Variants in CYP2C19 observed in about 807,000 individuals in gnomAD.
CYP2C19 encodes the protein cytochrome P450 2C19.
In CYP2C19, 59 loss-of-function variants were observed where a neutral mutation model predicts 40.9. The ratio of observed to expected loss-of-function variants is 1.44; its 90% CI spans 1.17 to 1.79. The LOEUF is 1.79. Ranked by LOEUF, CYP2C19 falls within the 40% of genes most tolerant of loss-of-function variation. The pLI is 0.00. For missense variants in CYP2C19, 754 were observed against 596.9 expected (o/e 1.26, Z -2.74); for synonymous variants, 253 against 208.7 (o/e 1.21, Z -1.83).
rs923762286 is a variant in CYP2C19 at position 94,827,004 on chromosome 10, G to A, written c.961+6367G>A. 8.5e-5 allele frequency among the ~76,000 whole-genome samples: 13 copies of A among 152,218 alleles called. No homozygotes were observed. The East Asian group carries it at 1.2e-3, about 14-fold the overall frequency. ...TATTGAACCAGCCTTGCATCCCAGG[G>A]ATGAAGCCCACTCGATCATGGTGGA... On this transcript the variant is annotated intron_variant, in intron 6 of 8. Coordinates refer to ENST00000371321, the MANE Select transcript of CYP2C19 (RefSeq NM_000769.4).
chr10:94,814,195 C>T (rs1314196454), intron 5 of CYP2C19, among the ~76,000 whole-genome samples: 2 of 151,578 alleles, frequency 1.3e-5, no homozygotes, highest in African/African-American at 2.4e-5. Flanking sequence ...TCATTGATCT[C>T]GCTGGGAGCT....
At chr10:94,766,370 T>G (rs748243019) in intron 1 of CYP2C19, among the ~76,000 whole-genome samples, 5 of 151,986 alleles carry the variant, frequency 3.3e-5, no homozygotes, top group African/African-American at 4.8e-5. Flanking sequence ...AAGATGGTGC[T>G]CTGGAAGATG....
At chr10:94,801,947 C>T (rs1848771693) in intron 5 of CYP2C19, among the ~76,000 whole-genome samples, 1 of 152,140 alleles carries the variant, frequency 6.6e-6, no homozygotes, top group African/African-American at 2.4e-5. Flanking sequence ...TGAGTAGCAG[C>T]AAGATTTATT....
At chr10:94,766,654 G>C (rs761301829) in intron 1 of CYP2C19, among the ~76,000 whole-genome samples, 4 of 152,086 alleles carry the variant, frequency 2.6e-5, no homozygotes, top group Non-Finnish European at 4.4e-5. Flanking sequence ...TTCAGGATCG[G>C]TGGTAGGAGC....
At position 94,853,047 on chromosome 10, in the gene CYP2C19, A is replaced by C. The variant is rs1849679675; in HGVS notation, c.*133A>C. ...TCCCTTCCCCCAAGATCTAGTGAACATTCAGCCTCCATTAAAAAAGTTTCA... is the reference window on the plus strand; with the variant it reads ...TCCCTTCCCCCAAGATCTAGTGAACCTTCAGCCTCCATTAAAAAAGTTTCA... On this transcript the variant is annotated 3_prime_UTR_variant, in exon 9 of 9. Transcript: ENST00000371321. 4 of 950,684 alleles carry C rather than the reference A, an allele frequency of 4.2e-6. No individual in the cohort carries two copies. In the South Asian group the frequency reaches 6.6e-5, roughly 16 times the overall value. 58.9% of individuals were successfully genotyped at this position (950,684 alleles called of 1,614,324 possible).
chr10:94,808,377 AC>A (rs1848865179), intron 5 of CYP2C19, among the ~76,000 whole-genome samples: 1 of 152,170 alleles, frequency 6.6e-6, no homozygotes, highest in Non-Finnish European at 1.5e-5. Flanking sequence ...TGTAATAATC[AC>A]ATTATGGAAG....
chr10:94,785,910 A>G (rs569855817), intron 5 of CYP2C19, among the ~76,000 whole-genome samples: 1 of 152,068 alleles, frequency 6.6e-6, no homozygotes, highest in African/African-American at 2.4e-5. Flanking sequence ...GCATAATAAC[A>G]TTAGAGTGGG....
intron 1 of CYP2C19, among the ~76,000 whole-genome samples, chr10:94,769,023 G>T (rs979913687): frequency 6.6e-6 from 1 of 151,866 alleles, no homozygotes; most frequent in Non-Finnish European, 1.5e-5. Context: ...TCCAAGGAAT[G>T]CCCACAATTG....
intron 5 of CYP2C19, among the ~76,000 whole-genome samples, chr10:94,790,746 T>C (rs981674901): frequency 6.6e-6 from 1 of 152,154 alleles, no homozygotes; most frequent in African/African-American, 2.4e-5. Context: ...ATAAGCTTGT[T>C]GATGTGCTGC....
At chr10:94,822,968 G>A (rs983804471) in intron 6 of CYP2C19, among the ~76,000 whole-genome samples, 3 of 151,014 alleles carry the variant, frequency 2.0e-5, no homozygotes, top group African/African-American at 7.3e-5. Flanking sequence ...TTATAGATTT[G>A]GGATATTAGC....
intron 6 of CYP2C19, among the ~76,000 whole-genome samples, chr10:94,823,817 C>T (rs1255404884): frequency 6.6e-6 from 1 of 152,120 alleles, no homozygotes; most frequent in Non-Finnish European, 1.5e-5. Context: ...GTGCTTAATT[C>T]AAATGCCTGA....
intron 6 of CYP2C19, among the ~76,000 whole-genome samples, chr10:94,828,921 G>A (rs1849278533): frequency 6.6e-6 from 1 of 151,762 alleles, no homozygotes; most frequent in Non-Finnish European, 1.5e-5. Flanking sequence ...CTTCACTTAT[G>A]AAGCTTAGTT....
chr10:94,853,291 C>T lies in CYP2C19; in HGVS notation c.*377C>T, dbSNP rs1408445790. ...GTTATTAGACCTTCCTTCCTTTGTG[C>T]ATAATGCAGGTGACAAATTAAAGAA... On this transcript the variant is annotated 3_prime_UTR_variant, in exon 9 of 9. Coordinates refer to ENST00000371321, the MANE Select transcript of CYP2C19 (RefSeq NM_000769.4). 2.6e-6 allele frequency: 1 copy of T among 380,606 alleles called. No individual in the cohort carries two copies. The highest frequency in any genetic ancestry group is 4.8e-6 in the Non-Finnish European group (1 of 207,024). The allele number at this position is 380,606 out of a possible 1,614,324, so 23.6% of individuals were successfully genotyped here. A position where few individuals can be genotyped will look rare whatever the true frequency, so the allele number is the denominator to read the frequency against.
At chr10:94,803,244 T>G (rs1848789850) in intron 5 of CYP2C19, among the ~76,000 whole-genome samples, 1 of 152,184 alleles carries the variant, frequency 6.6e-6, no homozygotes, top group South Asian at 2.1e-4. Context: ...CTCCCTATTT[T>G]TTTCTTTCCT....
At chr10:94,827,398 T>A in intron 6 of CYP2C19, among the ~76,000 whole-genome samples, 1 of 151,960 alleles carries the variant, frequency 6.6e-6, no homozygotes, top group Non-Finnish European at 1.5e-5. Context: ...TGGGAGAGTG[T>A]ATGTGTCGAG....
At chr10:94,784,419 T>C (rs1260870452) in intron 5 of CYP2C19, among the ~76,000 whole-genome samples, 2 of 152,058 alleles carry the variant, frequency 1.3e-5, no homozygotes, top group Non-Finnish European at 2.9e-5. Flanking sequence ...CAGGAGTTGA[T>C]TTGCTGGGTC....
intron 7 of CYP2C19, among the ~76,000 whole-genome samples, chr10:94,844,156 T>A (rs1849538890): frequency 6.6e-6 from 1 of 152,226 alleles, no homozygotes; most frequent in Non-Finnish European, 1.5e-5. Flanking sequence ...CTGTTTTTAC[T>A]GCCTCCCCGT....
At chr10:94,837,143 G>T in intron 6 of CYP2C19, among the ~76,000 whole-genome samples, 1 of 152,142 alleles carries the variant, frequency 6.6e-6, no homozygotes, top group East Asian at 1.9e-4. Flanking sequence ...TGGGTATAGA[G>T]GGACAACAGC....
rs759853843 is a variant in CYP2C19 at position 94,820,615 on chromosome 10, G to C, written c.939G>C (p.Leu313=). ...CCCTGAGATATGCTCTCCTTCTCCTGCTGAAGCACCCAGAGGTCACAGGTA... is the reference window on the plus strand; with the variant it reads ...CCCTGAGATATGCTCTCCTTCTCCTCCTGAAGCACCCAGAGGTCACAGGTA... ...STTLRYALLL[L]LKHPEVTAKV... is the part of the protein sequence containing the mutation. The change falls in exon 6 of 9, where the codon CTG becomes CTC. Residue 313 remains leucine, a synonymous_variant. Coordinates refer to ENST00000371321, the MANE Select transcript of CYP2C19 (RefSeq NM_000769.4). 23 of 1,614,166 alleles carry C rather than the reference G, an allele frequency of 1.4e-5. No homozygotes were observed. Among genetic ancestry groups the C allele is most frequent in the Non-Finnish European group, 1.9e-5 (23 of 1,180,016 alleles).
Sources: allele counts gnomAD v4.1 joint callset (sites outside exome capture counted in the v4.1 genomes callset), GRCh38; gene constraint gnomAD v4.1.1; transcripts MANE v1.5; gene names NCBI Gene and HGNC (gene_info 2026-07-23, HGNC 2026-07-21).